The following EPPK1 variants were observed in gnomAD, a reference collection of about 807,000 sequenced individuals.
EPPK1 encodes epiplakin 1, also known as epiplakin.
For synonymous variants in EPPK1, 1,862 were observed against 1,721.2 expected, an observed-to-expected ratio of 1.08 and a Z score of -2.03; for missense variants, 3,823 against 3,673.3, an observed-to-expected ratio of 1.04 and a Z score of -1.05.
rs918698518 is a variant in EPPK1 at position 143,871,240 on chromosome 8, C to T, written c.2014G>A (p.Val672Ile). 7.4e-6 allele frequency: 12 copies of T among 1,613,148 alleles called. No individual in the cohort carries two copies. The highest frequency in any genetic ancestry group is 1.0e-5 in the Non-Finnish European group (12 of 1,179,972). Residue 672 changes from valine (V) to isoleucine (I), a missense_variant, in exon 2 of 2, where the codon GTC becomes ATC. Transcript: ENST00000615648. ...TTCGCGAACACATCAGGCCCAATGA[C>T]AGCAGCCCTCAGTGCCTCCTCAACG... The part of the protein sequence containing the change: ...HSVEEALRAA[V>I]IGPDVFAKLL...
chr8:143,866,494 G>A lies in EPPK1; in HGVS notation c.6760C>T (p.Leu2254=). ...SIYQAMWKGV[L]RPGTALVLLE... ...AGCACCAGGGCCGTGCCGGGCCGCA[G>A]CACGCCCTTCCACATGGCCTGGTAG... The change falls in exon 2 of 2, where the codon CTG becomes TTG. Residue 2254 remains leucine (L), a synonymous_variant. Coordinates refer to ENST00000615648, the MANE Select transcript of EPPK1 (RefSeq NM_031308.4). 1.3e-6 allele frequency: 2 copies of A among 1,546,722 alleles called. No homozygotes were observed. Among genetic ancestry groups the A allele is most frequent in the Admixed American group, 1.9e-5 (1 of 53,476 alleles).
rs1554660481 is a variant in EPPK1, at chr8:143,869,710, A to C, written c.3544T>G (p.Trp1182Gly). 3 of 1,596,920 alleles carry C rather than the reference A, an allele frequency of 1.9e-6. No individual in the cohort carries two copies. In the South Asian group the frequency reaches 3.4e-5, roughly 18 times the overall value. The stretch of plus-strand genomic sequence containing the variant: ...GCCAGGAGCTTGGTCTCCTGTACCC[A>C]CCTCTGCACAGAGGCTAGCAGCTGT... ...VPQLLASVQR[W>G]VQETKLLAQA... is the part of the protein sequence containing the mutation. Residue 1182 changes from tryptophan to glycine, a missense_variant, in exon 2 of 2, where the codon TGG becomes GGG. Trp to Gly is a radical substitution (Grantham distance 184). Coordinates refer to ENST00000615648, the MANE Select transcript of EPPK1 (RefSeq NM_031308.4).
In EPPK1 at chr8:143,869,302, C is replaced by T. The variant is rs782252062; in HGVS notation, c.3952G>A (p.Gly1318Arg). 22 of 1,604,760 alleles carry T rather than the reference C, an allele frequency of 1.4e-5. No homozygotes were observed. Among genetic ancestry groups the T allele is most frequent in the Admixed American group, 1.2e-4 (7 of 59,464 alleles). ...LVGRELSEQL[G>R]QAERAAAGYP... ...CCGGCCGCCGCCCTCTCGGCCTGCC[C>T]GAGCTGCTCACTCAGCTCCCTGCCC... The change falls in exon 2 of 2, where the codon GGG (glycine) becomes AGG (arginine). Residue 1318 changes from glycine (G) to arginine (R), a missense_variant. By Grantham distance (125) the Gly-to-Arg change is moderately radical. Transcript: ENST00000615648.
Position 143,866,585 on chromosome 8 carries a change from G to A in EPPK1, c.6669C>T (p.Thr2223=). The change falls in exon 2 of 2, where the codon ACC becomes ACT. Residue 2223 remains threonine, a synonymous_variant. Coordinates refer to ENST00000615648, the MANE Select transcript of EPPK1 (RefSeq NM_031308.4). ...GCACCAGGACGCCCGCGATGCAGCTGGTGCCCTCCAGGTAGCGCTTGACGC... is the reference window on the plus strand; with the variant it reads ...GCACCAGGACGCCCGCGATGCAGCTAGTGCCCTCCAGGTAGCGCTTGACGC... ...DDRVKRYLEG[T]SCIAGVLVPA... The A allele has an allele frequency of 6.2e-7, 1 of 1,612,174 alleles. No individual in the cohort carries two copies. Among genetic ancestry groups the A allele is most frequent in the South Asian group, 1.1e-5 (1 of 91,048 alleles).
chr8:143,867,002 T>G lies in EPPK1; in HGVS notation c.6252A>C (p.Pro2084=). Reference sequence around the variant, plus strand: ...CGGAGTCCCGTGCAGCCTTGTTCACTGGGAACAGCAGCCAGCCCGTGTCCT... The same window carrying G: ...CGGAGTCCCGTGCAGCCTTGTTCACGGGGAACAGCAGCCAGCCCGTGTCCT... ...PQEDTGWLLF[P]VNKAARDSEH... Residue 2084 remains proline, a synonymous_variant, in exon 2 of 2, where the codon CCA becomes CCC. Transcript: ENST00000615648. The G allele has an allele frequency of 6.2e-7, 1 of 1,612,864 alleles. No individual in the cohort carries two copies. Among genetic ancestry groups the G allele is most frequent in the Non-Finnish European group, 8.5e-7 (1 of 1,179,868 alleles).
chr8:143,870,517 G>A lies in EPPK1; in HGVS notation c.2737C>T (p.Pro913Ser), dbSNP rs781945222. 3.7e-5 allele frequency: 60 copies of A among 1,609,176 alleles called. No individual in the cohort carries two copies. The Admixed American group carries it at 5.0e-4, about 13-fold the overall frequency. The change falls in exon 2 of 2, where the codon CCG (proline) becomes TCG (serine). Residue 913 changes from proline to serine, a missense_variant. Transcript: ENST00000615648. This position sits in a 1 kb window ranked among gnomAD's most constrained non-coding sequence, Gnocchi z 5.2. ...CCGTCCATGAGTAGGAGGGCCTCCG[G>A]GCTGATTGTCCCGGCCAGCACTTGG... ...LDQVLAGTISPEALLLMDGVR... is the reference protein window; with the variant it reads ...LDQVLAGTISSEALLLMDGVR...
chr8:143,874,987 C>T (rs1192610247), intron 1 of EPPK1, among the ~76,000 whole-genome samples: 1 of 152,154 alleles, frequency 6.6e-6, no homozygotes, highest in Non-Finnish European at 1.5e-5. Flanking sequence ...TATGGGGGCT[C>T]CCCTCTCCAG....
At position 143,868,859 on chromosome 8, in the gene EPPK1, A is replaced by G; in HGVS notation, c.4395T>C (p.Cys1465=). Residue 1465 remains cysteine, a synonymous_variant, in exon 2 of 2, where the codon TGT becomes TGC. Transcript: ENST00000615648. The stretch of plus-strand genomic sequence containing the variant: ...GCAGCAGGTCCCAGAGTGACACGCT[A>G]CACCCCTTAAACCTCCCTGTGCTGA... ...VPVSTGRFKG[C]SVSLWDLLLS... 6.2e-7 allele frequency: 1 copy of G among 1,609,644 alleles called. No individual in the cohort carries two copies. The highest frequency in any genetic ancestry group is 8.5e-7 in the Non-Finnish European group (1 of 1,179,794).
chr8:143,874,147 C>T (rs369437395), intron 1 of EPPK1, among the ~76,000 whole-genome samples: 43 of 152,338 alleles, frequency 2.8e-4, no homozygotes, highest in African/African-American at 8.2e-4. Context: ...CCTGGTCCTC[C>T]GGCTGCAGCC....
chr8:143,870,656 C>T lies in EPPK1; in HGVS notation c.2598G>A (p.Lys866=). 2 of 1,607,338 alleles carry T rather than the reference C, an allele frequency of 1.2e-6. No homozygotes were observed. Among genetic ancestry groups the T allele is most frequent in the South Asian group, 1.1e-5 (1 of 90,146 alleles). The change falls in exon 2 of 2, where the codon AAG becomes AAA. Residue 866 remains lysine, a synonymous_variant. Coordinates refer to ENST00000615648, the MANE Select transcript of EPPK1 (RefSeq NM_031308.4). This position sits in a 1 kb window ranked among gnomAD's most constrained non-coding sequence, Gnocchi z 5.2. ...GTCTCTGCGTCTCCGCCTCCAGCAG[C>T]TTTGCCACCTGCCCCAGCGTGACCT... The part of the protein sequence containing the change: ...QREVTLGQVA[K]LLEAETQRQA...
intron 1 of EPPK1, among the ~76,000 whole-genome samples, chr8:143,875,714 C>T (rs1554662235): frequency 3.3e-5 from 5 of 152,258 alleles, no homozygotes; most frequent in Non-Finnish European, 7.3e-5. Flanking sequence ...GCCACGGGCC[C>T]GCTGGCCACA....
chr8:143,868,441 G>A lies in EPPK1; in HGVS notation c.4813C>T (p.Leu1605=), dbSNP rs782669255. 1 of 1,612,580 alleles carries A rather than the reference G, an allele frequency of 6.2e-7. No individual in the cohort carries two copies. Among genetic ancestry groups the A allele is most frequent in the Non-Finnish European group, 8.5e-7 (1 of 1,179,782 alleles). ...AAGCCGGTAGCTGCCTGTGCCTCCA[G>A]CAGCACCAGGGCTGTGCCAGGCCGC... is the stretch of plus-strand genomic sequence containing the variant. The part of the protein sequence containing the change: ...ILRPGTALVL[L]EAQAATGFII... Residue 1605 remains leucine (L), a synonymous_variant, in exon 2 of 2, where the codon CTG becomes TTG. Transcript: ENST00000615648.
Position 143,868,722 on chromosome 8 carries a change from G to T in EPPK1, c.4532C>A (p.Ala1511Asp). ...VVSAVTTLVEAAERQPLQATF... is the reference protein window; with the variant it reads ...VVSAVTTLVEDAERQPLQATF... ...GGCCTGCAGGGGCTGCCTCTCTGCA[G>T]CCTCGACCAGGGTGGTGACTGCGCT... is the stretch of plus-strand genomic sequence containing the variant. The change falls in exon 2 of 2, where the codon GCT (alanine) becomes GAT (aspartate). Residue 1511 changes from alanine to aspartate, a missense_variant. Physicochemically the swap from Ala to Asp is moderately radical, Grantham distance 126. Transcript: ENST00000615648. The T allele has an allele frequency of 1.3e-6, 2 of 1,579,504 alleles. No homozygotes were observed. Among genetic ancestry groups the T allele is most frequent in the Non-Finnish European group, 1.7e-6 (2 of 1,166,622 alleles).
chr8:143,871,824 G>T lies in EPPK1; in HGVS notation c.1430C>A (p.Pro477His). The change falls in exon 2 of 2, where the codon CCC becomes CAC. Residue 477 changes from proline (P) to histidine (H), a missense_variant. Transcript: ENST00000615648. ...GTACTTGATGAATGGGGGTCCCTGGGGCTCCCCTCCCCGGGGTCCCCCTGA... is the reference window on the plus strand; with the variant it reads ...GTACTTGATGAATGGGGGTCCCTGGTGCTCCCCTCCCCGGGGTCCCCCTGA... ...PLSGGPRGGEPQGPPFIKYST... is the reference protein window; with the variant it reads ...PLSGGPRGGEHQGPPFIKYST... 2 of 1,612,414 alleles carry T rather than the reference G, an allele frequency of 1.2e-6. No individual in the cohort carries two copies. Among genetic ancestry groups the T allele is most frequent in the Non-Finnish European group, 1.7e-6 (2 of 1,179,834 alleles).
Position 143,870,340 on chromosome 8 carries a change from T to C in EPPK1, c.2914A>G (p.Thr972Ala). 1 of 1,557,124 alleles carries C rather than the reference T, an allele frequency of 6.4e-7. No homozygotes were observed. The highest frequency in any genetic ancestry group is 8.6e-7 in the Non-Finnish European group (1 of 1,156,912). ...ALLEAQAATG[T>A]IMDPHSPESL... ...TCTGGGCTGTGAGGGTCCATGATGG[T>C]TCCGGTGGCCGCCTGGGCCTCCAGC... is the stretch of plus-strand genomic sequence containing the variant. Residue 972 changes from threonine to alanine, a missense_variant, in exon 2 of 2, where the codon ACC becomes GCC. Physicochemically the swap from Thr to Ala is moderately conservative, Grantham distance 58. Transcript: ENST00000615648. This position sits in a 1 kb window ranked among gnomAD's most constrained non-coding sequence, Gnocchi z 5.2.
rs1554659171 is a variant in EPPK1, at chr8:143,866,772, A to T, written c.6482T>A (p.Leu2161Ter). The part of the protein sequence containing the change: ...LQTVAQLILE[L>*]IEKQETSNKH... The stretch of plus-strand genomic sequence containing the variant: ...GTTGCTGGTTTCCTGCTTCTCGATC[A>T]ACTCTAAGATGAGCTGCGCTACCGT... Residue 2161 changes from leucine to a stop codon, truncating the protein, a stop_gained, in exon 2 of 2, where the codon TTG (leucine) becomes TAG (stop). Coordinates refer to ENST00000615648, the MANE Select transcript of EPPK1 (RefSeq NM_031308.4). LOFTEE classifies it low-confidence loss of function (END_TRUNC). The T allele has an allele frequency of 6.2e-7, 1 of 1,613,402 alleles. No individual in the cohort carries two copies. Among genetic ancestry groups the T allele is most frequent in the Non-Finnish European group, 8.5e-7 (1 of 1,179,862 alleles).
chr8:143,869,103 A>G lies in EPPK1; in HGVS notation c.4151T>C (p.Leu1384Pro), dbSNP rs781958201. ...CACCTGGCTCGTCTGTGTGTCCAGA[A>G]GGCCGAGTCTGCAGGCTGCCGCCTG... ...LPQAAACRLG[L>P]LDTQTSQVLT... The change falls in exon 2 of 2, where the codon CTT (leucine) becomes CCT (proline). Residue 1384 changes from leucine (L) to proline (P), a missense_variant. Leu to Pro is a moderately conservative substitution (Grantham distance 98). Coordinates refer to ENST00000615648, the MANE Select transcript of EPPK1 (RefSeq NM_031308.4). 5 of 1,606,794 alleles carry G rather than the reference A, an allele frequency of 3.1e-6. No individual in the cohort carries two copies. The Admixed American group carries it at 5.0e-5, about 16-fold the overall frequency.
chr8:143,866,984 C>G lies in EPPK1; in HGVS notation c.6270G>C (p.Arg2090=). ...WLLFPVNKAA[R]DSEHIDDETR... is the part of the protein sequence containing the mutation. ...TCTCGTCATCGATGTGCTCGGAGTC[C>G]CGTGCAGCCTTGTTCACTGGGAACA... The change falls in exon 2 of 2, where the codon CGG becomes CGC. Residue 2090 remains arginine (R), a synonymous_variant. Transcript: ENST00000615648. 7 of 1,612,854 alleles carry G rather than the reference C, an allele frequency of 4.3e-6. No homozygotes were observed. Among genetic ancestry groups the G allele is most frequent in the Non-Finnish European group, 5.9e-6 (7 of 1,179,882 alleles).
At chr8:143,874,461 C>A (rs1819442296) in intron 1 of EPPK1, among the ~76,000 whole-genome samples, 2 of 152,190 alleles carry the variant, frequency 1.3e-5, no homozygotes, top group African/African-American at 4.8e-5. Flanking sequence ...TATAAGAAGA[C>A]ACACAGGGAG....
Sources: gnomAD v4.1 joint callset for allele counts (sites outside exome capture counted in the v4.1 genomes callset) on GRCh38, gnomAD v4.1.1 for gene constraint, Gnocchi (gnomAD v3.1) non-coding constraint, MANE v1.5 for transcripts, NCBI Gene and HGNC (gene_info 2026-07-23, HGNC 2026-07-21) for gene names.